The following TAOK3 variants were observed in gnomAD, a reference collection of about 807,000 sequenced individuals.
The protein encoded by TAOK3 is serine/threonine-protein kinase TAO3.
TAOK3 carries 40 observed loss-of-function variants against 120.4 expected under a neutral mutation model. The ratio of observed to expected loss-of-function variants is 0.33; its 90% confidence interval spans 0.26 to 0.43. The LOEUF (loss-of-function observed/expected upper bound fraction) is 0.43, where lower values mean the gene tolerates loss of function less well. Ranked by LOEUF, TAOK3 falls within the 20% of genes least tolerant of loss-of-function variation. The pLI is 1.00. For missense variants in TAOK3, 821 were observed against 1,112.1 expected, an observed-to-expected ratio of 0.74 and a Z score of 3.72; for synonymous variants, 355 against 387.5, an observed-to-expected ratio of 0.92 and a Z score of 0.99.
chr12:118,251,007 GTAGAGA>G (rs900684795), intron 3 of TAOK3, among the ~76,000 whole-genome samples: 1 of 152,228 alleles, frequency 6.6e-6, no homozygotes, highest in African/African-American at 2.4e-5. Context: ...GATAGCTCAA[GTAGAGA>G]TAGGGACCAT....
At chr12:118,308,109 G>C (rs568259999) in intron 1 of TAOK3, among the ~76,000 whole-genome samples, 2 of 152,178 alleles carry the variant, frequency 1.3e-5, no homozygotes, top group South Asian at 4.1e-4. Context: ...GATAAAACAG[G>C]TTGCAGTAAA....
intron 1 of TAOK3, among the ~76,000 whole-genome samples, chr12:118,268,886 T>C (rs1476801495): frequency 6.6e-6 from 1 of 151,976 alleles, no homozygotes; most frequent in African/African-American, 2.4e-5. Context: ...CGCATTCCTG[T>C]AATCCCAGCT....
At chr12:118,319,987 T>C (rs1357308077) in intron 1 of TAOK3, among the ~76,000 whole-genome samples, 2 of 152,046 alleles carry the variant, frequency 1.3e-5, no homozygotes, top group Non-Finnish European at 1.5e-5. Context: ...GAACAAAATG[T>C]GGGATATAGA....
chr12:118,151,806 A>AT (rs1289201582), intron 20 of TAOK3, among the ~76,000 whole-genome samples: 2 of 151,896 alleles, frequency 1.3e-5, no homozygotes, highest in South Asian at 2.1e-4. Context: ...CATCATTTTA[A>AT]TTTTTTTTTA....
chr12:118,240,243 G>A (rs1298988585), intron 5 of TAOK3, among the ~76,000 whole-genome samples: 2 of 147,398 alleles, frequency 1.4e-5, no homozygotes, highest in Non-Finnish European at 1.5e-5. Flanking sequence ...GCAATGGCAC[G>A]ATCTTGGCTC....
intron 1 of TAOK3, among the ~76,000 whole-genome samples, chr12:118,362,506 G>A (rs2141305144): frequency 6.6e-6 from 1 of 152,102 alleles, no homozygotes; most frequent in East Asian, 1.9e-4. Flanking sequence ...CGGCATGTGA[G>A]GTGGTAAGTG....
rs1593712663 is a variant in TAOK3, at chr12:118,365,006, G to A, written c.-194+7642C>T. On this transcript the variant is annotated intron_variant, in intron 1 of 20. Transcript: ENST00000392533. ...TTATTCCTTTCACAGATCCCAAGAG[G>A]TATGGATTCTTATTTTACAGTTGAG... 2.6e-5 allele frequency among the ~76,000 whole-genome samples: 4 copies of A among 152,288 alleles called. No individual in the cohort carries two copies. The South Asian group carries it at 8.3e-4, about 32-fold the overall frequency.
At chr12:118,361,428 C>T (rs1256600943) in intron 1 of TAOK3, among the ~76,000 whole-genome samples, 1 of 151,746 alleles carries the variant, frequency 6.6e-6, no homozygotes, top group African/African-American at 2.4e-5. Flanking sequence ...ACTACTCTTC[C>T]AAACTATCAT....
chr12:118,241,762 C>G (rs1299067123), intron 5 of TAOK3, among the ~76,000 whole-genome samples: 1 of 152,144 alleles, frequency 6.6e-6, no homozygotes, highest in African/African-American at 2.4e-5. Flanking sequence ...GTCTATCAAA[C>G]CAGTTGTAGA....
At chr12:118,237,119 T>A (rs942253215) in intron 7 of TAOK3, among the ~76,000 whole-genome samples, 45 of 152,306 alleles carry the variant, frequency 3.0e-4, no homozygotes, top group African/African-American at 1.1e-3. Flanking sequence ...TTAGGTTCAC[T>A]CTTTGTCCTT....
rs1041411056 is a variant in TAOK3 at position 118,150,161 on chromosome 12, T to G, written c.*836A>C. 6.6e-6 allele frequency: 1 copy of G among 152,548 alleles called. No individual in the cohort carries two copies. The highest frequency in any genetic ancestry group is 1.5e-5 in the Non-Finnish European group (1 of 68,024). The allele number at this position is 152,548 out of a possible 1,614,324, so 9.4% of individuals were successfully genotyped here. ...TCAGAGAAACAGTTAAAATACAATA[T>G]GAAAATAAGTAATACCTCTCCTTAA... On this transcript the variant is annotated 3_prime_UTR_variant, in exon 21 of 21. Transcript: ENST00000392533.
At position 118,161,971 on chromosome 12, in the gene TAOK3, G is replaced by T; in HGVS notation, c.1956C>A (p.His652Gln). Residue 652 changes from histidine to glutamine, a missense_variant, in exon 18 of 21, where the codon CAC (histidine) becomes CAA (glutamine). By Grantham distance (24) the His-to-Gln change is conservative. This residue lies in a region of TAOK3 where 354 missense variants were observed against 572.1 expected (regional missense o/e 0.62). Transcript: ENST00000392533. The surrounding 1 kb of genome is among the most constrained non-coding windows in gnomAD (Gnocchi z 4.5). ...ACTCTAGCTCTCGGGTGGACTCGTC[G>T]TGCCGGATTAGCATGGCATGCTCCA... is the stretch of plus-strand genomic sequence containing the variant. ...KEMEHAMLIR[H>Q]DESTRELEYR... 1 of 1,614,066 alleles carries T rather than the reference G, an allele frequency of 6.2e-7. No homozygotes were observed. The highest frequency in any genetic ancestry group is 8.5e-7 in the Non-Finnish European group (1 of 1,180,020).
intron 1 of TAOK3, among the ~76,000 whole-genome samples, chr12:118,312,824 AG>A (rs1173576446): frequency 1.3e-5 from 2 of 152,196 alleles, no homozygotes; most frequent in Non-Finnish European, 2.9e-5. Flanking sequence ...GATCTTAACT[AG>A]AGGCCTGTAG....
chr12:118,279,244 A>G (rs1172421275), intron 1 of TAOK3, among the ~76,000 whole-genome samples: 1 of 152,062 alleles, frequency 6.6e-6, no homozygotes. Flanking sequence ...GTGTCTGTTC[A>G]TGTCCTTTGC....
intron 1 of TAOK3, among the ~76,000 whole-genome samples, chr12:118,288,654 G>A (rs1196425684): frequency 1.3e-5 from 2 of 151,956 alleles, no homozygotes; most frequent in African/African-American, 4.8e-5. Context: ...GGTGGCTCAC[G>A]CCTGTAATCC....
chr12:118,237,990 ATTGGAGCATGCACTAAT>A, intron 7 of TAOK3, 66 bp downstream of exon 7: 1 of 894,740 alleles, frequency 1.1e-6, no homozygotes, highest in Admixed American at 2.3e-5. Context: ...CAACCTAAAA[ATTGGAGCATGCACTAAT>A]TTTCAAGGTT....
Position 118,153,409 on chromosome 12 carries a change from T to TA in TAOK3, c.2353-1001dup, listed in dbSNP as rs1202244156. ...CTTGGCAGACAGAGACTTTGTCTCA[T>TA]AAAAAAAAAATCTCTTCCTCTCAGA... On this transcript the variant is annotated intron_variant, in intron 19 of 20. Transcript: ENST00000392533. Among the ~76,000 whole-genome samples, 11 of 149,606 alleles carry TA rather than the reference T, an allele frequency of 7.4e-5. No individual in the cohort carries two copies. In the East Asian group the frequency reaches 7.8e-4, roughly 11 times the overall value.
chr12:118,224,177 G>A (rs781031244), intron 9 of TAOK3, among the ~76,000 whole-genome samples: 8 of 152,130 alleles, frequency 5.3e-5, no homozygotes, highest in Admixed American at 4.6e-4. Flanking sequence ...TAGTGTTTAC[G>A]CTGAAATTTC....
chr12:118,232,225 A>C (rs911839327), intron 9 of TAOK3, among the ~76,000 whole-genome samples: 3 of 152,252 alleles, frequency 2.0e-5, no homozygotes, highest in Non-Finnish European at 2.9e-5. Context: ...CACTGGATAG[A>C]AGTAAGCTTA....
Sources: gnomAD v4.1 joint callset for allele counts (sites outside exome capture counted in the v4.1 genomes callset) on GRCh38, gnomAD v4.1.1 for gene constraint, gnomAD v4.1.1 regional missense constraint, Gnocchi (gnomAD v3.1) non-coding constraint, MANE v1.5 for transcripts, NCBI Gene and HGNC (gene_info 2026-07-23, HGNC 2026-07-21) for gene names.